GALNT10: variants seen among roughly 807,000 people sequenced by gnomAD.
GALNT10 encodes GalNAc transferase 10.
A neutral mutation model predicts 75.0 loss-of-function variants in GALNT10; 41 were observed. That is an observed-to-expected ratio of 0.55 (90% CI 0.43 to 0.71). The LOEUF (loss-of-function observed/expected upper bound fraction) is 0.71. Ranked by LOEUF, GALNT10 falls within the 30% of genes least tolerant of loss-of-function variation. GALNT10 has a pLI of 0.00. For missense variants in GALNT10, 727 were observed against 818.5 expected (o/e 0.89, Z 1.36); for synonymous variants, 302 against 313.0 (o/e 0.96, Z 0.37).
intron 1 of GALNT10, among the ~76,000 whole-genome samples, chr5:154,225,805 G>T (rs13170430): frequency 1.3e-5 from 2 of 151,272 alleles, no homozygotes; most frequent in Non-Finnish European, 1.5e-5. Context: ...CTTTCCTTTG[G>T]ATTTTTTTCT....
chr5:154,353,091 C>T (rs913846177), intron 4 of GALNT10, among the ~76,000 whole-genome samples: 1 of 152,174 alleles, frequency 6.6e-6, no homozygotes, highest in Non-Finnish European at 1.5e-5. Flanking sequence ...GTTACTTACT[C>T]AGCAGATGTT....
At chr5:154,303,079 A>C (rs1454007876) in intron 3 of GALNT10, among the ~76,000 whole-genome samples, 1 of 152,182 alleles carries the variant, frequency 6.6e-6, no homozygotes, top group East Asian at 1.9e-4. Context: ...GAAGTAAGAT[A>C]AGTTTTCCCT....
intron 4 of GALNT10, among the ~76,000 whole-genome samples, chr5:154,339,604 ATCTGAAG>A (rs1381997127): frequency 6.6e-6 from 1 of 152,046 alleles, no homozygotes; most frequent in African/African-American, 2.4e-5. Flanking sequence ...CTCAGATTGC[ATCTGAAG>A]AATCAAAAGC....
chr5:154,372,982 T>C (rs1755598256), intron 4 of GALNT10, among the ~76,000 whole-genome samples: 1 of 152,088 alleles, frequency 6.6e-6, no homozygotes, highest in African/African-American at 2.4e-5. Flanking sequence ...TTAGGGGTAA[T>C]AAGGATAAAA....
intron 1 of GALNT10, among the ~76,000 whole-genome samples, chr5:154,278,411 TTTCTTTTCTGTG>T (rs1753984254): frequency 6.6e-6 from 1 of 152,228 alleles, no homozygotes; most frequent in South Asian, 2.1e-4. Context: ...GTTAGACAGC[TTTCTTTTCTGTG>T]TGACTTCAAA....
chr5:154,274,771 TA>T (rs1753924345), intron 1 of GALNT10, among the ~76,000 whole-genome samples: 1 of 152,162 alleles, frequency 6.6e-6, no homozygotes, highest in Non-Finnish European at 1.5e-5. Flanking sequence ...AATCAAGAAA[TA>T]GCCCCTAGAA....
rs556025849 is a variant in GALNT10, at chr5:154,413,509, C to T, written c.1503+504C>T. Among the ~76,000 whole-genome samples, 5 of 152,232 alleles carry T rather than the reference C, an allele frequency of 3.3e-5. No individual in the cohort carries two copies. The South Asian group carries it at 8.3e-4, about 25-fold the overall frequency. The stretch of plus-strand genomic sequence containing the variant: ...GTCCTCATATTGATGAGGACAGAGC[C>T]GTCACTTTTGAGAGGTGATGGGTGT... On this transcript the variant is annotated intron_variant, in intron 10 of 11. Transcript: ENST00000297107.
At chr5:154,276,766 A>C (rs1256490167) in intron 1 of GALNT10, among the ~76,000 whole-genome samples, 1 of 152,158 alleles carries the variant, frequency 6.6e-6, no homozygotes, top group Non-Finnish European at 1.5e-5. Context: ...AAAAAGAGAG[A>C]GGCAGACAGA....
intron 4 of GALNT10, chr5:154,356,128 A>G (rs1311460661): frequency 4.4e-6 from 2 of 456,136 alleles, no homozygotes; most frequent in Non-Finnish European, 4.4e-6. Flanking sequence ...GTCTCCAGCT[A>G]AAAAGATTAT....
chr5:154,210,413 CAG>C (rs1554093792), intron 1 of GALNT10, among the ~76,000 whole-genome samples: 3 of 146,196 alleles, frequency 2.1e-5, no homozygotes, highest in Non-Finnish European at 4.5e-5. Flanking sequence ...CACACACACA[CAG>C]TTTTGCTTGG....
intron 3 of GALNT10, among the ~76,000 whole-genome samples, chr5:154,321,546 A>G (rs1754674295): frequency 6.6e-6 from 1 of 151,342 alleles, no homozygotes; most frequent in South Asian, 2.1e-4. Context: ...GCTGTCTTGA[A>G]CTCATGAGCT....
chr5:154,271,976 A>C (rs949625836), intron 1 of GALNT10, among the ~76,000 whole-genome samples: 1 of 152,160 alleles, frequency 6.6e-6, no homozygotes, highest in African/African-American at 2.4e-5. Flanking sequence ...TGCCTTCCTT[A>C]TGAATAGCTC....
rs992451093 is a variant in GALNT10 at position 154,224,059 on chromosome 5, C to T, written c.159+33034C>T. Among the ~76,000 whole-genome samples, 6 of 152,130 alleles carry T rather than the reference C, an allele frequency of 3.9e-5. No individual in the cohort carries two copies. The South Asian group carries it at 6.2e-4, about 16-fold the overall frequency. On this transcript the variant is annotated intron_variant, in intron 1 of 11. Coordinates refer to ENST00000297107, the MANE Select transcript of GALNT10 (RefSeq NM_198321.4). ...CCTTAAGGGGAACAGAGAGAAAAGG[C>T]GATTAAAATCTATTCTCAAAAGTCC...
At chr5:154,262,438 C>A (rs1217493653) in intron 1 of GALNT10, among the ~76,000 whole-genome samples, 1 of 152,166 alleles carries the variant, frequency 6.6e-6, no homozygotes, top group Non-Finnish European at 1.5e-5. Context: ...AGGTATTATT[C>A]TCCAGTGCTA....
chr5:154,261,780 G>A (rs967924341), intron 1 of GALNT10, among the ~76,000 whole-genome samples: 1 of 152,168 alleles, frequency 6.6e-6, no homozygotes, highest in Non-Finnish European at 1.5e-5. Flanking sequence ...CCAGTTGAAA[G>A]CTCACAGCAA....
chr5:154,273,361 G>A (rs1753899844), intron 1 of GALNT10, among the ~76,000 whole-genome samples: 1 of 152,186 alleles, frequency 6.6e-6, no homozygotes, highest in Non-Finnish European at 1.5e-5. Flanking sequence ...AAAGTCACAT[G>A]AAAAAGACGT....
intron 1 of GALNT10, among the ~76,000 whole-genome samples, chr5:154,266,676 A>G (rs1753779058): frequency 1.3e-5 from 2 of 151,942 alleles, no homozygotes. Flanking sequence ...GGAGTTCAAG[A>G]TAAGCCTGGA....
rs1461736464 is a variant in GALNT10 at position 154,409,484 on chromosome 5, C to A, written c.1165-57C>A. 1 of 1,160,418 alleles carries A rather than the reference C, an allele frequency of 8.6e-7. No homozygotes were observed. Among genetic ancestry groups the A allele is most frequent in the Non-Finnish European group, 1.3e-6 (1 of 765,124 alleles). 71.9% of individuals were successfully genotyped at this position (1,160,418 alleles called of 1,614,324 possible). On this transcript the variant is annotated intron_variant, in intron 8 of 11. Coordinates refer to ENST00000297107, the MANE Select transcript of GALNT10 (RefSeq NM_198321.4). The surrounding 1 kb of genome is among the most constrained non-coding windows in gnomAD (Gnocchi z 4.5). The stretch of plus-strand genomic sequence containing the variant: ...ACCTGCCAGGACCCTTTTCACCCCA[C>A]TGCCTGGCTTTGGCTTCTTGGAAAG...
chr5:154,320,238 C>T (rs1481254396), intron 3 of GALNT10, among the ~76,000 whole-genome samples: 1 of 152,306 alleles, frequency 6.6e-6, no homozygotes, highest in East Asian at 1.9e-4. Context: ...GTGATCCAAG[C>T]TGAGCCTTTT....
Sources: allele counts gnomAD v4.1 joint callset (sites outside exome capture counted in the v4.1 genomes callset), GRCh38; gene constraint gnomAD v4.1.1; non-coding constraint Gnocchi (gnomAD v3.1); transcripts MANE v1.5; gene names NCBI Gene and HGNC (gene_info 2026-07-23, HGNC 2026-07-21).